The following HSD17B4 variants were observed in gnomAD, a reference collection of about 807,000 sequenced individuals.
HSD17B4 encodes peroxisomal multifunctional enzyme type 2.
Under a neutral mutation model 101.0 loss-of-function variants are expected in HSD17B4, and 70 were observed. The ratio of observed to expected loss-of-function variants is 0.69; its 90% confidence interval spans 0.57 to 0.85. HSD17B4 has a LOEUF of 0.85. Among genes scored for constraint, HSD17B4 ranks in the 40% least tolerant of loss-of-function variants. The pLI, the probability that HSD17B4 is intolerant of heterozygous loss-of-function variation, is 0.00. For synonymous variants in HSD17B4, 347 were observed against 297.1 expected (o/e 1.17, Z -1.73); for missense variants, 984 against 892.4 (o/e 1.10, Z -1.31).
chr5:119,538,834 A>G (rs1257882461), intron 23 of HSD17B4, among the ~76,000 whole-genome samples: 1 of 152,174 alleles, frequency 6.6e-6, no homozygotes, highest in Non-Finnish European at 1.5e-5. Context: ...TATTCTGATA[A>G]CATCCTGTTT....
chr5:119,521,319 T>C (rs1311597251), intron 17 of HSD17B4, among the ~76,000 whole-genome samples: 1 of 152,214 alleles, frequency 6.6e-6, no homozygotes, highest in African/African-American at 2.4e-5. Flanking sequence ...ATTATTTTCG[T>C]TTTTAAAGTC....
At position 119,536,208 on chromosome 5, in the gene HSD17B4, C is replaced by T. The variant is rs142823923; in HGVS notation, c.1994-215C>T. On this transcript the variant is annotated intron_variant, in intron 22 of 23. Coordinates refer to ENST00000510025, the MANE Select transcript of HSD17B4 (RefSeq NM_000414.4). ...TGAGCCACTACAGAACTGGAAGTTCCACTTCTTTACCTCAAATTTCTGTAT... is the reference window on the plus strand; with the variant it reads ...TGAGCCACTACAGAACTGGAAGTTCTACTTCTTTACCTCAAATTTCTGTAT... 392 of 490,532 alleles carry T rather than the reference C, an allele frequency of 8.0e-4. 4 individuals are homozygous for T. The East Asian group carries it at 0.012, about 15-fold the overall frequency. The allele number at this position is 490,532 out of a possible 1,614,324, so 30.4% of individuals were successfully genotyped here. A position where few individuals can be genotyped will look rare whatever the true frequency, so the allele number is the denominator to read the frequency against.
intron 8 of HSD17B4, 115 bp from the exon 9 acceptor site, chr5:119,489,077 T>C (rs1162174611): frequency 1.4e-6 from 1 of 731,422 alleles, no homozygotes; most frequent in Non-Finnish European, 2.4e-6. Flanking sequence ...ACTAGTTATA[T>C]ACATACTAAT....
At chr5:119,489,709 C>T (rs1749923784) in intron 9 of HSD17B4, among the ~76,000 whole-genome samples, 1 of 152,106 alleles carries the variant, frequency 6.6e-6, no homozygotes. Flanking sequence ...AAACCCTTGG[C>T]ATAAGGCCTA....
intron 2 of HSD17B4, among the ~76,000 whole-genome samples, chr5:119,458,962 G>A (rs971505268): frequency 2.0e-5 from 3 of 152,170 alleles, no homozygotes; most frequent in Admixed American, 2.0e-4. Flanking sequence ...TGACAAAAAG[G>A]AGCAAAAAGA....
intron 12 of HSD17B4, among the ~76,000 whole-genome samples, chr5:119,498,026 C>T (rs1428817735): frequency 6.6e-6 from 1 of 152,094 alleles, no homozygotes; most frequent in East Asian, 1.9e-4. Flanking sequence ...TAAAATGCTT[C>T]CCATTGAGTC....
intron 17 of HSD17B4, among the ~76,000 whole-genome samples, chr5:119,524,020 G>A (rs1440808466): frequency 6.6e-6 from 1 of 152,018 alleles, no homozygotes; most frequent in Non-Finnish European, 1.5e-5. Context: ...TATACATCAT[G>A]ATATATATTT....
chr5:119,475,207 G>A (rs1248781431), intron 4 of HSD17B4, among the ~76,000 whole-genome samples: 1 of 152,054 alleles, frequency 6.6e-6, no homozygotes, highest in Non-Finnish European at 1.5e-5. Context: ...AGCCACAAGA[G>A]GGTTGAACCT....
rs893236750 is a variant in HSD17B4 at position 119,476,816 on chromosome 5, T to TA, written c.350-600dup. ...TTTTTTTAGTTCCTTTTTTCACTCTTACATTCTTCTTCTAATATACACATG... is the reference window on the plus strand; with the variant it reads ...TTTTTTTAGTTCCTTTTTTCACTCTTAACATTCTTCTTCTAATATACACATG... On this transcript the variant is annotated intron_variant, in intron 6 of 23. Coordinates refer to ENST00000510025, the MANE Select transcript of HSD17B4 (RefSeq NM_000414.4). 32 of 451,588 alleles carry TA rather than the reference T, an allele frequency of 7.1e-5. No individual in the cohort carries two copies. The Admixed American group carries it at 1.4e-3, about 20-fold the overall frequency. The allele number at this position is 451,588 out of a possible 1,614,324, so 28.0% of individuals were successfully genotyped here.
intron 21 of HSD17B4, among the ~76,000 whole-genome samples, chr5:119,530,785 G>A (rs536387553): frequency 2.7e-4 from 40 of 148,040 alleles, no homozygotes; most frequent in African/African-American, 7.7e-4. Flanking sequence ...CCCGGGAGGT[G>A]GAGGTTGCAG....
chr5:119,462,665 T>G (rs1755381667), intron 2 of HSD17B4, among the ~76,000 whole-genome samples: 1 of 152,298 alleles, frequency 6.6e-6, no homozygotes, highest in East Asian at 1.9e-4. Flanking sequence ...AAAAGTATTT[T>G]TAATGTTCTT....
chr5:119,492,179 A>G (rs1750170793), intron 10 of HSD17B4, 55 bp downstream of exon 10: 2 of 1,330,428 alleles, frequency 1.5e-6, no homozygotes, highest in Admixed American at 3.4e-5. Context: ...CTTTAAACCT[A>G]CATATCCAGT....
At chr5:119,506,542 T>C (rs1375536297) in intron 14 of HSD17B4, among the ~76,000 whole-genome samples, 2 of 152,194 alleles carry the variant, frequency 1.3e-5, no homozygotes, top group Non-Finnish European at 2.9e-5. Context: ...AGTAATGGGA[T>C]TGCTGGGTCA....
chr5:119,480,805 G>T (rs1034199471), intron 8 of HSD17B4, among the ~76,000 whole-genome samples: 2 of 152,130 alleles, frequency 1.3e-5, no homozygotes, highest in African/African-American at 2.4e-5. Context: ...CCCCGGGGGG[G>T]CCAGTTCAGA....
intron 23 of HSD17B4, among the ~76,000 whole-genome samples, chr5:119,536,913 G>A (rs972138096): frequency 6.6e-6 from 1 of 152,120 alleles, no homozygotes; most frequent in Non-Finnish European, 1.5e-5. Context: ...AATAGCCCAT[G>A]TCTTACTTAG....
At chr5:119,537,428 A>G (rs1754628596) in intron 23 of HSD17B4, among the ~76,000 whole-genome samples, 1 of 152,110 alleles carries the variant, frequency 6.6e-6, no homozygotes, top group African/African-American at 2.4e-5. Flanking sequence ...AAACCCAATA[A>G]TATGTATGAA....
In HSD17B4 at chr5:119,519,490, A is replaced by G. The variant is rs1412673468; in HGVS notation, c.1503+4444A>G. Among the ~76,000 whole-genome samples, 4 of 152,062 alleles carry G rather than the reference A, an allele frequency of 2.6e-5. No individual in the cohort carries two copies. The East Asian group carries it at 7.7e-4, about 29-fold the overall frequency. Reference sequence around the variant, plus strand: ...TGGGAGATCTTTGCAGATTTAGAACACCCCTTTGTGGGGCCACAAAGCTGT... The same window carrying G: ...TGGGAGATCTTTGCAGATTTAGAACGCCCCTTTGTGGGGCCACAAAGCTGT... On this transcript the variant is annotated intron_variant, in intron 17 of 23. Transcript: ENST00000510025.
At chr5:119,539,811 C>A (rs935995029) in intron 23 of HSD17B4, among the ~76,000 whole-genome samples, 8 of 150,226 alleles carry the variant, frequency 5.3e-5, no homozygotes, top group Admixed American at 1.3e-4. Context: ...TGGTATAGGC[C>A]AGGGACAATG....
chr5:119,452,649 T>C lies in HSD17B4; in HGVS notation c.58+16T>C. The stretch of plus-strand genomic sequence containing the variant: ...GCGGGGGCAGGTGAGCATGCGAAGG[T>C]TGGAGGCCGCGCCCCTTGCTGAGGC... On this transcript the variant is annotated intron_variant, in intron 1 of 23. Coordinates refer to ENST00000510025, the MANE Select transcript of HSD17B4 (RefSeq NM_000414.4). 6.2e-7 allele frequency: 1 copy of C among 1,613,492 alleles called. No individual in the cohort carries two copies. Among genetic ancestry groups the C allele is most frequent in the Non-Finnish European group, 8.5e-7 (1 of 1,179,900 alleles).
Sources: gnomAD v4.1 joint callset for allele counts (sites outside exome capture counted in the v4.1 genomes callset) on GRCh38, gnomAD v4.1.1 for gene constraint, MANE v1.5 for transcripts, NCBI Gene and HGNC (gene_info 2026-07-23, HGNC 2026-07-21) for gene names.